Variants in ESRRG observed in about 807,000 individuals in gnomAD.
ESRRG encodes the protein estrogen related receptor gamma.
Under a neutral mutation model 44.0 loss-of-function variants are expected in ESRRG, and 13 were observed. That is an observed-to-expected ratio of 0.30 (90% confidence interval 0.19 to 0.47). The LOEUF (loss-of-function observed/expected upper bound fraction) is 0.47, where lower values mean the gene tolerates loss of function less well. Among genes scored for constraint, ESRRG ranks in the 20% least tolerant of loss-of-function variants. The probability of loss-of-function intolerance (pLI) is 1.00; values close to 1 mark genes in which losing one functional copy is unlikely to be tolerated. For synonymous variants in ESRRG, 215 were observed against 214.6 expected (o/e 1.00, Z -0.02); for missense variants, 395 against 580.6 (o/e 0.68, Z 3.29).
At chr1:216,946,286 C>T (rs569976704) in intron 1 of ESRRG, among the ~76,000 whole-genome samples, 11 of 152,248 alleles carry the variant, frequency 7.2e-5, no homozygotes, top group African/African-American at 2.4e-4. Context: ...CAACAGGCAC[C>T]TCATAGGAAA....
At chr1:216,828,923 C>T (rs749885959) in intron 2 of ESRRG, among the ~76,000 whole-genome samples, 1 of 152,154 alleles carries the variant, frequency 6.6e-6, no homozygotes, top group Non-Finnish European at 1.5e-5. Context: ...TCAACCCACT[C>T]ATGTCTCAAT....
At chr1:216,768,912 CAT>C (rs1313422363) in intron 2 of ESRRG, among the ~76,000 whole-genome samples, 1 of 152,068 alleles carries the variant, frequency 6.6e-6, no homozygotes, top group East Asian at 1.9e-4. Context: ...AAATCCCCCC[CAT>C]ATATATGGTT....
At chr1:216,821,224 C>T (rs1325216015) in intron 2 of ESRRG, among the ~76,000 whole-genome samples, 1 of 152,168 alleles carries the variant, frequency 6.6e-6, no homozygotes, top group Admixed American at 6.5e-5. Flanking sequence ...CATTTACCCT[C>T]ACTAGGACGT....
rs115407554 is a variant in ESRRG at position 216,512,609 on chromosome 1, G to C, written c.1133-5426C>G. ...CTTTTGTGGGAAGGGAAGGGGCTGAGATAGGAACAAGACACTTGAAGGGCT... is the reference window on the plus strand; with the variant it reads ...CTTTTGTGGGAAGGGAAGGGGCTGACATAGGAACAAGACACTTGAAGGGCT... On this transcript the variant is annotated intron_variant, in intron 6 of 6. Coordinates refer to ENST00000408911, the MANE Select transcript of ESRRG (RefSeq NM_001438.4). Among the ~76,000 whole-genome samples, 834 of 152,266 alleles carry C rather than the reference G, an allele frequency of 5.5e-3. 8 individuals are homozygous for C. Among genetic ancestry groups the C allele is most frequent in the African/African-American group, 0.019 (802 of 41,560 alleles).
intron 2 of ESRRG, among the ~76,000 whole-genome samples, chr1:216,859,655 G>C (rs1478952268): frequency 6.6e-6 from 1 of 151,954 alleles, no homozygotes; most frequent in African/African-American, 2.4e-5. Context: ...CATTGGGTGG[G>C]GTACACTGAC....
At chr1:216,689,962 G>A (rs1045586588) in intron 1 of ESRRG, among the ~76,000 whole-genome samples, 2 of 151,916 alleles carry the variant, frequency 1.3e-5, no homozygotes, top group Non-Finnish European at 2.9e-5. Flanking sequence ...TCATAAGACC[G>A]ACAACAATAA....
rs146096530 is a variant in ESRRG at position 217,060,603 on chromosome 1, C to T, written c.-106+28904G>A. On this transcript the variant is annotated intron_variant, in intron 1 of 7. Transcript: ENST00000359162. The stretch of plus-strand genomic sequence containing the variant: ...GTTGGTGCCACGTTCCTGGATTCAG[C>T]CACCTTAACCCTGTTTATTGTGATT... Among the ~76,000 whole-genome samples the T allele has an allele frequency of 4.6e-5, 7 of 152,112 alleles. No individual in the cohort carries two copies. The East Asian group carries it at 1.4e-3, about 29-fold the overall frequency.
At chr1:216,921,634 G>A (rs1578176312) in intron 2 of ESRRG, among the ~76,000 whole-genome samples, 1 of 152,060 alleles carries the variant, frequency 6.6e-6, no homozygotes, top group Non-Finnish European at 1.5e-5. Context: ...CTGCTCAGTG[G>A]GGCTTTTACA....
At chr1:217,057,297 A>T (rs1466867752) in intron 1 of ESRRG, among the ~76,000 whole-genome samples, 1 of 152,180 alleles carries the variant, frequency 6.6e-6, no homozygotes, top group Non-Finnish European at 1.5e-5. Context: ...AGATTTCCTG[A>T]ATCATACCTC....
intron 5 of ESRRG, among the ~76,000 whole-genome samples, chr1:216,562,087 A>G (rs1033997343): frequency 1.3e-5 from 2 of 152,118 alleles, no homozygotes; most frequent in African/African-American, 4.8e-5. Flanking sequence ...CACTTTCCTT[A>G]CTAGAAAGTT....
intron 2 of ESRRG, among the ~76,000 whole-genome samples, chr1:216,823,147 T>A (rs2095330947): frequency 6.6e-6 from 1 of 152,024 alleles, no homozygotes; most frequent in Non-Finnish European, 1.5e-5. Context: ...CATCTCAATA[T>A]TCCCAATATC....
intron 1 of ESRRG, among the ~76,000 whole-genome samples, chr1:217,038,865 T>C (rs1186615004): frequency 6.6e-6 from 1 of 152,260 alleles, no homozygotes; most frequent in Non-Finnish European, 1.5e-5. Context: ...GCAAATTTTC[T>C]GAACTTTTAT....
rs181152742 is a variant in ESRRG, at chr1:217,011,549, G to T, written c.-105-71876C>A. The stretch of plus-strand genomic sequence containing the variant: ...TTGGCTGCCTACATGCAAAGCATTT[G>T]CTAGATAATCTCCCAAGGAAATAAA... On this transcript the variant is annotated intron_variant, in intron 1 of 7. Coordinates refer to the ESRRG transcript ENST00000359162. Among the ~76,000 whole-genome samples, 79 of 152,318 alleles carry T rather than the reference G, an allele frequency of 5.2e-4. 1 individual carries two copies. The highest frequency in any genetic ancestry group is 2.3e-3 in the Admixed American group (35 of 15,304).
intron 2 of ESRRG, among the ~76,000 whole-genome samples, chr1:216,880,824 T>C (rs763576841): frequency 3.3e-5 from 5 of 152,132 alleles, no homozygotes; most frequent in Non-Finnish European, 4.4e-5. Context: ...TTATTTATAT[T>C]AAAAGTTTTC....
intron 2 of ESRRG, among the ~76,000 whole-genome samples, chr1:216,777,783 G>A (rs1347965764): frequency 1.3e-5 from 2 of 151,824 alleles, no homozygotes; most frequent in Non-Finnish European, 2.9e-5. Flanking sequence ...CATAAATTTG[G>A]CATTTACTTT....
chr1:216,890,559 G>C (rs933865139), intron 2 of ESRRG, among the ~76,000 whole-genome samples: 1 of 152,122 alleles, frequency 6.6e-6, no homozygotes, highest in Non-Finnish European at 1.5e-5. Flanking sequence ...CCCTATCACT[G>C]CTCCTGTTGG....
At chr1:216,894,398 C>T (rs926203559) in intron 2 of ESRRG, among the ~76,000 whole-genome samples, 1 of 152,098 alleles carries the variant, frequency 6.6e-6, no homozygotes, top group Non-Finnish European at 1.5e-5. Flanking sequence ...TCAGAATCAA[C>T]GAGACAAACG....
At chr1:216,526,087 G>A (rs1030047229) in intron 5 of ESRRG, among the ~76,000 whole-genome samples, 2 of 152,116 alleles carry the variant, frequency 1.3e-5, no homozygotes, top group Non-Finnish European at 2.9e-5. Context: ...ATGCCCGTAA[G>A]ATAAAGGTTT....
intron 1 of ESRRG, among the ~76,000 whole-genome samples, chr1:217,071,801 T>C (rs138584676): frequency 5.2e-4 from 79 of 152,320 alleles, no homozygotes; most frequent in African/African-American, 1.9e-3. Context: ...GGTATAACTA[T>C]TATTCCAATT....
Sources: allele counts gnomAD v4.1 joint callset (sites outside exome capture counted in the v4.1 genomes callset), GRCh38; gene constraint gnomAD v4.1.1; transcripts MANE v1.5; gene names NCBI Gene and HGNC (gene_info 2026-07-23, HGNC 2026-07-21).